The following FHIT variants were observed in gnomAD, a reference collection of about 807,000 sequenced individuals.
FHIT encodes bis(5'-adenosyl)-triphosphatase.
FHIT carries 19 observed loss-of-function variants against 17.9 expected under a neutral mutation model. That is an observed-to-expected ratio of 1.06 (90% CI 0.74 to 1.56). FHIT has a LOEUF of 1.56. Among genes scored for constraint, FHIT ranks in the 40% most tolerant of loss-of-function variants. FHIT has a pLI of 0.00. For missense variants in FHIT, 248 were observed against 189.2 expected (o/e 1.31, Z -1.82); for synonymous variants, 81 against 69.7 (o/e 1.16, Z -0.81).
chr3:60,057,222 T>C (rs889996924), intron 5 of FHIT, among the ~76,000 whole-genome samples: 2 of 152,188 alleles, frequency 1.3e-5, no homozygotes, highest in African/African-American at 4.8e-5. Flanking sequence ...AGTGGTATTA[T>C]TATGTCCATA....
At chr3:61,046,990 T>C (rs909780715) in intron 2 of FHIT, among the ~76,000 whole-genome samples, 1 of 152,142 alleles carries the variant, frequency 6.6e-6, no homozygotes, top group South Asian at 2.1e-4. Flanking sequence ...ATGGGATGTA[T>C]CTCAAAATAA....
At chr3:60,939,514 A>T (rs1708323394) in intron 3 of FHIT, among the ~76,000 whole-genome samples, 1 of 152,166 alleles carries the variant, frequency 6.6e-6, no homozygotes, top group Admixed American at 6.5e-5. Context: ...CAGACTTCCT[A>T]TTTTTAAAAA....
intron 5 of FHIT, among the ~76,000 whole-genome samples, chr3:60,392,962 G>A (rs1313315751): frequency 6.6e-6 from 1 of 152,138 alleles, no homozygotes; most frequent in African/African-American, 2.4e-5. Flanking sequence ...GAAACAGCTA[G>A]GGAAGCTTCA....
intron 8 of FHIT, among the ~76,000 whole-genome samples, chr3:59,768,444 C>A (rs1701910350): frequency 6.6e-6 from 1 of 152,206 alleles, no homozygotes; most frequent in Non-Finnish European, 1.5e-5. Context: ...GTTCTCCCTG[C>A]ATGGATGGCA....
chr3:60,159,798 G>A (rs1213405229), intron 5 of FHIT, among the ~76,000 whole-genome samples: 3 of 152,166 alleles, frequency 2.0e-5, no homozygotes, highest in Non-Finnish European at 4.4e-5. Context: ...TTAATAAATG[G>A]TGGAGACACC....
At chr3:59,876,978 A>T (rs1703192745) in intron 8 of FHIT, among the ~76,000 whole-genome samples, 1 of 152,184 alleles carries the variant, frequency 6.6e-6, no homozygotes, top group South Asian at 2.1e-4. Flanking sequence ...CAAAAGAGAC[A>T]CATAAGAAGA....
At chr3:61,207,356 C>A (rs1232412443) in intron 1 of FHIT, among the ~76,000 whole-genome samples, 2 of 152,174 alleles carry the variant, frequency 1.3e-5, no homozygotes, top group South Asian at 2.1e-4. Context: ...GGAGGATTTC[C>A]TCTTTTTCTA....
chr3:61,015,324 T>C (rs2032050311), intron 3 of FHIT, among the ~76,000 whole-genome samples: 2 of 152,160 alleles, frequency 1.3e-5, no homozygotes, highest in African/African-American at 2.4e-5. Flanking sequence ...CTTTCAGTGG[T>C]TCTTGCCTTC....
intron 8 of FHIT, among the ~76,000 whole-genome samples, chr3:59,880,200 T>G (rs1213505387): frequency 6.6e-6 from 1 of 152,152 alleles, no homozygotes; most frequent in East Asian, 1.9e-4. Context: ...TCGTTTGTCT[T>G]TGGCCATTCC....
At chr3:61,189,333 A>G (rs2038634759) in intron 2 of FHIT, among the ~76,000 whole-genome samples, 1 of 152,184 alleles carries the variant, frequency 6.6e-6, no homozygotes, top group African/African-American at 2.4e-5. Context: ...CCCATTCACA[A>G]TTGCTTCAAA....
intron 3 of FHIT, among the ~76,000 whole-genome samples, chr3:60,965,002 C>T (rs1449590578): frequency 7.2e-5 from 11 of 152,160 alleles, no homozygotes; most frequent in African/African-American, 2.7e-4. Flanking sequence ...GGGAAGTTCT[C>T]CTGGATAATA....
intron 5 of FHIT, among the ~76,000 whole-genome samples, chr3:60,235,234 G>GTTTTTTTTTTTT (rs11441829): frequency 1.4e-5 from 2 of 143,084 alleles, no homozygotes; most frequent in African/African-American, 2.6e-5. Context: ...TTTGTTTGTT[G>GTTTTTTTTTTTT]TTTTTTTTTT....
intron 2 of FHIT, among the ~76,000 whole-genome samples, chr3:61,075,731 T>C (rs1054264307): frequency 6.6e-6 from 1 of 152,102 alleles, no homozygotes; most frequent in African/African-American, 2.4e-5. Context: ...AAATAATACT[T>C]TATATTTTTG....
intron 4 of FHIT, among the ~76,000 whole-genome samples, chr3:60,665,631 T>G (rs373058601): frequency 4.3e-4 from 65 of 152,212 alleles, no homozygotes; most frequent in African/African-American, 1.5e-3. Context: ...GATATATGTT[T>G]TTCCACCCTT....
chr3:60,893,026 C>T (rs1249626274), intron 3 of FHIT, among the ~76,000 whole-genome samples: 1 of 152,160 alleles, frequency 6.6e-6, no homozygotes, highest in Non-Finnish European at 1.5e-5. Flanking sequence ...TACCACAAAA[C>T]ATGGCACCTT....
intron 2 of FHIT, among the ~76,000 whole-genome samples, chr3:61,085,417 G>A (rs2035274154): frequency 6.6e-6 from 1 of 151,730 alleles, no homozygotes; most frequent in East Asian, 1.9e-4. Flanking sequence ...CATTTTCCTG[G>A]TGATGATAAG....
chr3:60,599,449 T>C (rs2038372439), intron 4 of FHIT, among the ~76,000 whole-genome samples: 1 of 152,138 alleles, frequency 6.6e-6, no homozygotes, highest in Non-Finnish European at 1.5e-5. Flanking sequence ...ATACTTTGAG[T>C]ACGGATCTAA....
intron 8 of FHIT, among the ~76,000 whole-genome samples, chr3:59,917,392 G>C (rs2107170189): frequency 6.6e-6 from 1 of 152,260 alleles, no homozygotes; most frequent in Middle Eastern, 3.4e-3. Flanking sequence ...TTGGTTATTT[G>C]GGATACAGCT....
intron 7 of FHIT, among the ~76,000 whole-genome samples, chr3:59,979,314 T>C (rs1369905652): frequency 2.6e-5 from 4 of 152,160 alleles, no homozygotes. Context: ...ACCTAACTCC[T>C]CAAAGCCAGA....
Sources: allele counts gnomAD v4.1 joint callset (sites outside exome capture counted in the v4.1 genomes callset), GRCh38; gene constraint gnomAD v4.1.1; transcripts MANE v1.5; gene names NCBI Gene and HGNC (gene_info 2026-07-23, HGNC 2026-07-21).